Variants in APC observed in about 807,000 individuals in gnomAD.
APC encodes the protein adenomatous polyposis coli protein.
In APC, 72 loss-of-function variants were observed where a neutral mutation model predicts 247.0. The ratio of observed to expected loss-of-function variants is 0.29; its 90% confidence interval spans 0.24 to 0.35. APC has a LOEUF of 0.35. Ranked by LOEUF, APC falls within the 10% of genes least tolerant of loss-of-function variation. APC has a pLI of 1.00. For synonymous variants in APC, 1,254 were observed against 1,162.5 expected, an observed-to-expected ratio of 1.08 and a Z score of -1.60; for missense variants, 3,400 against 3,360.7, an observed-to-expected ratio of 1.01 and a Z score of -0.29.
chr5:112,803,564 G>A (rs921211896), intron 8 of APC, among the ~76,000 whole-genome samples: 1 of 152,150 alleles, frequency 6.6e-6, no homozygotes, highest in Non-Finnish European at 1.5e-5. Flanking sequence ...ACAGTTGGGA[G>A]AGTTAAATGC....
intron 1 of APC, among the ~76,000 whole-genome samples, chr5:112,743,193 C>T (rs1480910007): frequency 6.6e-6 from 1 of 152,224 alleles, no homozygotes; most frequent in Non-Finnish European, 1.5e-5. Flanking sequence ...CCCTCTGCTG[C>T]TCTTGTCACA....
chr5:112,733,440 A>G (rs1752197850), upstream of APC, among the ~76,000 whole-genome samples: 1 of 152,180 alleles, frequency 6.6e-6, no homozygotes, highest in South Asian at 2.1e-4. Flanking sequence ...AGAGTCAGAG[A>G]AGGAGATTTG....
chr5:112,842,553 C>T lies in APC; in HGVS notation c.6959C>T (p.Pro2320Leu), dbSNP rs863224548. 2.5e-6 allele frequency: 4 copies of T among 1,613,908 alleles called. No homozygotes were observed. Among genetic ancestry groups the T allele is most frequent in the East Asian group, 2.2e-5 (1 of 44,880 alleles). Reference sequence around the variant, plus strand: ...CCTGCCCAGCAACCATTAAGTAGACCTATACAGTCTCCTGGCCGAAACTCA... The same window carrying T: ...CCTGCCCAGCAACCATTAAGTAGACTTATACAGTCTCCTGGCCGAAACTCA... ...SRPAQQPLSRPIQSPGRNSIS... is the reference protein window; with the variant it reads ...SRPAQQPLSRLIQSPGRNSIS... The change falls in exon 16 of 16, where the codon CCT (proline) becomes CTT (leucine). Residue 2320 changes from proline (P) to leucine (L), a missense_variant. By Grantham distance (98) the Pro-to-Leu change is moderately conservative (BLOSUM62 -3). Around this residue, in one of 9 missense-constraint regions of APC, gnomAD observed 1,788 missense variants for 1,649.5 expected, o/e 1.08. Coordinates refer to ENST00000257430, the MANE Select transcript of APC (RefSeq NM_000038.6).
intron 1 of APC, among the ~76,000 whole-genome samples, chr5:112,738,150 G>C (rs1156629270): frequency 6.6e-6 from 1 of 152,166 alleles, no homozygotes; most frequent in African/African-American, 2.4e-5. Flanking sequence ...AGAAGGGGGA[G>C]GGGTAGAAGT....
In APC at chr5:112,844,039, G is replaced by T. The variant is rs1554089157; in HGVS notation, c.8445G>T (p.Lys2815Asn). The T allele has an allele frequency of 6.2e-7, 1 of 1,602,818 alleles. No homozygotes were observed. The highest frequency in any genetic ancestry group is 8.5e-7 in the Non-Finnish European group (1 of 1,177,070). The part of the protein sequence containing the change: ...IPTPVNNNTK[K>N]RDSKTDSTES... Reference sequence around the variant, plus strand: ...CTCCAGTGAATAACAACACAAAGAAGCGAGATTCCAAAACTGACAGCACAG... The same window carrying T: ...CTCCAGTGAATAACAACACAAAGAATCGAGATTCCAAAACTGACAGCACAG... The change falls in exon 16 of 16, where the codon AAG (lysine) becomes AAT (asparagine). Residue 2815 changes from lysine (K) to asparagine (N), a missense_variant. Coordinates refer to ENST00000257430, the MANE Select transcript of APC (RefSeq NM_000038.6).
At chr5:112,712,281 C>G (rs935176146) in intron 1 of APC, among the ~76,000 whole-genome samples, 11 of 152,156 alleles carry the variant, frequency 7.2e-5, no homozygotes, top group South Asian at 4.1e-4. Context: ...CCATTTCCTC[C>G]TGTATATGTC....
Position 112,819,309 on chromosome 5 carries a change from C to G in APC, c.1277C>G (p.Ala426Gly), listed in dbSNP as rs1326984201. Residue 426 changes from alanine to glycine, a missense_variant, in exon 10 of 16, where the codon GCT becomes GGT. Physicochemically the swap from Ala to Gly is moderately conservative, Grantham distance 60. This residue lies in a region of APC where 199 missense variants were observed against 212.5 expected (regional missense o/e 0.94). Transcript: ENST00000257430. ...GAAACCTGTTGGGAGTGGCAGGAAG[C>G]TCATGAACCAGGCATGGACCAGGAC... ...YCETCWEWQEAHEPGMDQDKN... is the reference protein window; with the variant it reads ...YCETCWEWQEGHEPGMDQDKN... 1.2e-6 allele frequency: 2 copies of G among 1,613,996 alleles called. No homozygotes were observed. The highest frequency in any genetic ancestry group is 1.7e-6 in the Non-Finnish European group (2 of 1,179,970).
In APC at chr5:112,827,857, T is replaced by G; in HGVS notation, c.1549-72T>G. Reference sequence around the variant, plus strand: ...AAATAATGAAAACTGAATTAGACATTTAGTAGCCAAAAATAAAGCTTGGCT... The same window carrying G: ...AAATAATGAAAACTGAATTAGACATGTAGTAGCCAAAAATAAAGCTTGGCT... On this transcript the variant is annotated intron_variant, in intron 12 of 15. Coordinates refer to ENST00000257430, the MANE Select transcript of APC (RefSeq NM_000038.6). The G allele has an allele frequency of 2.4e-6, 3 of 1,252,986 alleles. No homozygotes were observed. The Admixed American group carries it at 5.2e-5, about 22-fold the overall frequency. 77.6% of individuals were successfully genotyped at this position (1,252,986 alleles called of 1,614,324 possible). A position where few individuals can be genotyped will look rare whatever the true frequency, so the allele number is the denominator to read the frequency against.
rs115805742 is a variant in APC at position 112,788,194 on chromosome 5, G to A, written c.646-4252G>A. Among the ~76,000 whole-genome samples the A allele has an allele frequency of 5.8e-3, 884 of 152,184 alleles. 6 individuals carry two copies. Among genetic ancestry groups the A allele is most frequent in the Middle Eastern group, 0.01 (3 of 294 alleles). ...GATACCACATTTTTTATTTGCTGCA[G>A]TTTTATAAATCTTGATATCCAGTTG... is the stretch of plus-strand genomic sequence containing the variant. On this transcript the variant is annotated intron_variant, in intron 6 of 15. Transcript: ENST00000257430.
chr5:112,772,445 C>G (rs781362275), intron 4 of APC, among the ~76,000 whole-genome samples: 7 of 151,972 alleles, frequency 4.6e-5, no homozygotes, highest in Non-Finnish European at 1.0e-4. Flanking sequence ...CCTAGTGTCC[C>G]TAACCTCCCC....
chr5:112,800,659 G>A (rs572671733), intron 7 of APC, among the ~76,000 whole-genome samples: 1 of 152,124 alleles, frequency 6.6e-6, no homozygotes, highest in East Asian at 1.9e-4. Context: ...TAAAGTGACT[G>A]CTTTGTGCTA....
At chr5:112,761,658 G>T (rs1220265673) in intron 2 of APC, among the ~76,000 whole-genome samples, 1 of 152,138 alleles carries the variant, frequency 6.6e-6, no homozygotes. Context: ...GAAAACATAG[G>T]TAATAGCTTC....
intron 1 of APC, among the ~76,000 whole-genome samples, chr5:112,723,520 A>G (rs1373562923): frequency 6.6e-6 from 1 of 152,158 alleles, no homozygotes; most frequent in Non-Finnish European, 1.5e-5. Flanking sequence ...TATGTATTTC[A>G]CACTGTGCTA....
intron 8 of APC, among the ~76,000 whole-genome samples, chr5:112,803,804 A>C (rs1561519048): frequency 1.3e-5 from 2 of 152,234 alleles, no homozygotes; most frequent in Admixed American, 1.3e-4. Context: ...TATTTATGTA[A>C]AGATCTAATT....
chr5:112,794,101 T>G (rs961792216), intron 7 of APC, among the ~76,000 whole-genome samples: 2 of 151,144 alleles, frequency 1.3e-5, no homozygotes, highest in East Asian at 3.9e-4. Context: ...AATCCTGCCA[T>G]GTAAGTAAGT....
intron 4 of APC, among the ~76,000 whole-genome samples, chr5:112,771,898 T>C (rs187564698): frequency 1.2e-4 from 18 of 152,320 alleles, no homozygotes; most frequent in Non-Finnish European, 2.4e-4. Context: ...TAAACCCAGC[T>C]TGTAGCTTTA....
Position 112,838,868 on chromosome 5 carries a change from C to T in APC, c.3274C>T (p.His1092Tyr), listed in dbSNP as rs1561583516. 6.2e-7 allele frequency: 1 copy of T among 1,614,152 alleles called. No individual in the cohort carries two copies. Among genetic ancestry groups the T allele is most frequent in the Non-Finnish European group, 8.5e-7 (1 of 1,180,036 alleles). The change falls in exon 16 of 16, where the codon CAT becomes TAT. Residue 1092 changes from histidine to tyrosine, a missense_variant. By Grantham distance (83) the His-to-Tyr change is moderately conservative. Coordinates refer to ENST00000257430, the MANE Select transcript of APC (RefSeq NM_000038.6). ...TDDKHLKFQP[H>Y]FGQQECVSPY... ...TGATAAACACCTCAAGTTCCAACCA[C>T]ATTTTGGACAGCAGGAATGTGTTTC...
rs949865554 is a variant in APC, at chr5:112,751,062, A to G, written c.-18-3811A>G. 2.0e-5 allele frequency among the ~76,000 whole-genome samples: 3 copies of G among 152,054 alleles called. No individual in the cohort carries two copies. The East Asian group carries it at 5.8e-4, about 29-fold the overall frequency. ...AACATTGTGTTCTCGTGGTTGATCT[A>G]TTCATGTACTGGTATTGTAGCTTTT... On this transcript the variant is annotated intron_variant, in intron 1 of 15. Transcript: ENST00000257430.
intron 8 of APC, among the ~76,000 whole-genome samples, chr5:112,804,946 A>G (rs1197086142): frequency 1.3e-5 from 2 of 152,144 alleles, no homozygotes; most frequent in Non-Finnish European, 2.9e-5. Context: ...ATGCCACTGC[A>G]TTCCAGCCTG....
Sources: gnomAD v4.1 joint callset for allele counts (sites outside exome capture counted in the v4.1 genomes callset) on GRCh38, gnomAD v4.1.1 for gene constraint, gnomAD v4.1.1 regional missense constraint, MANE v1.5 for transcripts, NCBI Gene and HGNC (gene_info 2026-07-23, HGNC 2026-07-21) for gene names.